PHKB: variants seen among roughly 807,000 people sequenced by gnomAD.
PHKB encodes phosphorylase b kinase regulatory subunit beta.
In PHKB, 122 loss-of-function variants were observed where a neutral mutation model predicts 152.1. The ratio of observed to expected loss-of-function variants is 0.80; its 90% CI spans 0.69 to 0.93. The LOEUF (loss-of-function observed/expected upper bound fraction) is 0.93. Among genes scored for constraint, PHKB ranks in the 40% least tolerant of loss-of-function variants. The pLI, the probability that PHKB is intolerant of heterozygous loss-of-function variation, is 0.00. For missense variants in PHKB, 1,304 were observed against 1,328.4 expected (o/e 0.98, Z 0.29); for synonymous variants, 436 against 464.9 (o/e 0.94, Z 0.80).
chr16:47,480,222 A>G (rs1208246844), intron 1 of PHKB, among the ~76,000 whole-genome samples: 1 of 152,150 alleles, frequency 6.6e-6, no homozygotes, highest in Non-Finnish European at 1.5e-5. Context: ...TCAGAGGTAT[A>G]ACTGGTTAGC....
In PHKB at chr16:47,689,151, T is replaced by C. The variant is rs1974016897; in HGVS notation, c.2741T>C (p.Ile914Thr). The C allele has an allele frequency of 1.2e-6, 2 of 1,614,082 alleles. No homozygotes were observed. The highest frequency in any genetic ancestry group is 1.7e-6 in the Non-Finnish European group (2 of 1,179,956). The change falls in exon 27 of 31, where the codon ATT becomes ACT. Residue 914 changes from isoleucine (I) to threonine (T), a missense_variant. Coordinates refer to ENST00000323584, the MANE Select transcript of PHKB (RefSeq NM_000293.3). ...PSEVKQLLLD[I>T]LQPQQNGRCW... ...GAAGTTAAACAGCTTCTGCTGGATA[T>C]TCTGCAGCCTCAACAGAATGGAAGG...
At position 47,463,911 on chromosome 16, in the gene PHKB, C is replaced by T. The variant is rs573989429; in HGVS notation, c.76+2485C>T. ...AAAATTGCTATAGCTTAGCCTGCGA[C>T]GCTTATGATTAGAGCCAACAATTTG... On this transcript the variant is annotated intron_variant, in intron 1 of 30. Coordinates refer to ENST00000323584, the MANE Select transcript of PHKB (RefSeq NM_000293.3). The T allele has an allele frequency of 2.9e-5, 46 of 1,613,548 alleles. No homozygotes were observed. In the South Asian group the frequency reaches 3.7e-4, roughly 13 times the overall value.
intron 29 of PHKB, 42 bp downstream of exon 29, chr16:47,696,530 C>G: frequency 9.2e-7 from 1 of 1,081,638 alleles, no homozygotes; most frequent in Non-Finnish European, 1.4e-6. Context: ...AATGCCTTCT[C>G]TCTGCTCCGT....
chr16:47,638,294 A>G (rs572250338), intron 14 of PHKB, among the ~76,000 whole-genome samples: 10 of 152,326 alleles, frequency 6.6e-5, no homozygotes, highest in African/African-American at 2.4e-4. Context: ...CATAGGCATT[A>G]TAGCAAATCT....
chr16:47,641,972 G>A (rs1208655163), intron 16 of PHKB, among the ~76,000 whole-genome samples: 2 of 152,012 alleles, frequency 1.3e-5, no homozygotes, highest in African/African-American at 4.8e-5. Flanking sequence ...AACCTAGGCT[G>A]AGCAGTTAAA....
chr16:47,520,461 G>T (rs1341041868), intron 6 of PHKB, among the ~76,000 whole-genome samples: 8 of 152,194 alleles, frequency 5.3e-5, no homozygotes, highest in Admixed American at 5.2e-4. Context: ...TGTAGTACGT[G>T]GCAGGGCTTG....
intron 26 of PHKB, among the ~76,000 whole-genome samples, chr16:47,688,236 G>C (rs1334580400): frequency 6.6e-6 from 1 of 152,114 alleles, no homozygotes; most frequent in Non-Finnish European, 1.5e-5. Flanking sequence ...TAATTCCCTG[G>C]CTTTTCCTAA....
chr16:47,500,060 T>TG (rs897835463), intron 3 of PHKB, among the ~76,000 whole-genome samples, 166 bp downstream of exon 3: 51 of 152,172 alleles, frequency 3.4e-4, no homozygotes, highest in African/African-American at 1.2e-3. Flanking sequence ...TTTTCTTTTT[T>TG]TTTTTGAGAT....
At chr16:47,579,400 T>C (rs1468169753) in intron 7 of PHKB, among the ~76,000 whole-genome samples, 2 of 152,136 alleles carry the variant, frequency 1.3e-5, no homozygotes, top group African/African-American at 2.4e-5. Context: ...CAAGAAGAAA[T>C]GGGAACTAGC....
intron 7 of PHKB, among the ~76,000 whole-genome samples, chr16:47,576,841 G>T (rs1461288517): frequency 1.3e-5 from 2 of 151,828 alleles, no homozygotes; most frequent in Non-Finnish European, 2.9e-5. Flanking sequence ...TGTCTATATT[G>T]TTATATTTGA....
At chr16:47,618,187 G>A (rs548415923) in intron 14 of PHKB, among the ~76,000 whole-genome samples, 4 of 152,278 alleles carry the variant, frequency 2.6e-5, no homozygotes, top group Non-Finnish European at 4.4e-5. Context: ...TGCTTTATTC[G>A]TTAATGCATT....
intron 14 of PHKB, among the ~76,000 whole-genome samples, chr16:47,631,320 G>A (rs760191316): frequency 7.9e-5 from 12 of 152,088 alleles, no homozygotes; most frequent in East Asian, 1.9e-4. Flanking sequence ...TAAACCGCTC[G>A]TCACCTCAGT....
intron 1 of PHKB, among the ~76,000 whole-genome samples, chr16:47,496,648 T>C (rs987899479): frequency 6.6e-6 from 1 of 152,270 alleles, no homozygotes; most frequent in Non-Finnish European, 1.5e-5. Flanking sequence ...GTCTGATGGC[T>C]GAAGGTTCAG....
rs560224504 is a variant in PHKB at position 47,579,733 on chromosome 16, A to G, written c.711-562A>G. Among the ~76,000 whole-genome samples, 5 of 152,308 alleles carry G rather than the reference A, an allele frequency of 3.3e-5. No individual in the cohort carries two copies. The South Asian group carries it at 1.0e-3, about 32-fold the overall frequency. On this transcript the variant is annotated intron_variant, in intron 7 of 30. Transcript: ENST00000323584. ...TAAGGGAAATAGTATTCATTTTATT[A>G]TAAAGGGAAGAATATAGCAAAAAAT...
chr16:47,545,795 A>G (rs1424089906), intron 6 of PHKB, among the ~76,000 whole-genome samples: 1 of 151,426 alleles, frequency 6.6e-6, no homozygotes, highest in East Asian at 1.9e-4. Flanking sequence ...GTTTCTTTTT[A>G]CTCTTTTTTC....
chr16:47,616,695 T>TTAATATATGATATTTTACATATAAATA (rs1972524945), intron 14 of PHKB, among the ~76,000 whole-genome samples: 1 of 149,448 alleles, frequency 6.7e-6, no homozygotes, highest in African/African-American at 2.4e-5. Context: ...ATATTATATA[T>TTAATATATGATATTTTACATATAAATA]TGCCCAGACC....
chr16:47,691,124 A>G (rs188910700), intron 27 of PHKB, among the ~76,000 whole-genome samples: 18 of 152,284 alleles, frequency 1.2e-4, no homozygotes, highest in African/African-American at 3.4e-4. Context: ...GCATAATCTC[A>G]GTCTATTCAT....
intron 16 of PHKB, among the ~76,000 whole-genome samples, chr16:47,643,210 C>G (rs772357751): frequency 1.5e-4 from 23 of 152,278 alleles, no homozygotes; most frequent in Admixed American, 3.9e-4. Flanking sequence ...ATGTGGTATT[C>G]ATTCATTCAG....
chr16:47,690,391 G>T (rs553423423), intron 27 of PHKB, among the ~76,000 whole-genome samples: 55 of 152,166 alleles, frequency 3.6e-4, no homozygotes, highest in South Asian at 8.3e-4. Flanking sequence ...GACAACAAAA[G>T]AAAAAGTTAA....
Sources: allele counts gnomAD v4.1 joint callset (sites outside exome capture counted in the v4.1 genomes callset), GRCh38; gene constraint gnomAD v4.1.1; transcripts MANE v1.5; gene names NCBI Gene and HGNC (gene_info 2026-07-23, HGNC 2026-07-21).